RAPH1: variants seen among roughly 807,000 people sequenced by gnomAD.
The protein encoded by RAPH1 is Ras association (RalGDS/AF-6) and pleckstrin homology domains 1, also known as ras-associated and pleckstrin homology domains-containing protein 1.
RAPH1 carries 18 observed loss-of-function variants against 88.1 expected under a neutral mutation model. That is an observed-to-expected ratio of 0.20 (90% confidence interval 0.14 to 0.30). The LOEUF (loss-of-function observed/expected upper bound fraction) is 0.30. RAPH1 is among the 10% of genes least tolerant of loss of function. RAPH1 has a pLI of 1.00. For missense variants in RAPH1, 1,448 were observed against 1,543.2 expected (o/e 0.94, Z 1.03); for synonymous variants, 587 against 559.0 (o/e 1.05, Z -0.71).
chr2:203,440,870 G>T lies in RAPH1; in HGVS notation c.2320C>A (p.Pro774Thr). 1 of 1,491,666 alleles carries T rather than the reference G, an allele frequency of 6.7e-7. No homozygotes were observed. The highest frequency in any genetic ancestry group is 9.1e-7 in the Non-Finnish European group (1 of 1,094,898). 92.4% of individuals were successfully genotyped at this position (1,491,666 alleles called of 1,614,324 possible). A position where few individuals can be genotyped will look rare whatever the true frequency, so the allele number is the denominator to read the frequency against. The change falls in exon 14 of 14, where the codon CCT (proline) becomes ACT (threonine). Residue 774 changes from proline to threonine, a missense_variant. Coordinates refer to ENST00000319170, the MANE Select transcript of RAPH1 (RefSeq NM_213589.3). ...AGGGGTTTTGGGGGAGCTTGGGGAG[G>T]GAGGGGTGCAGGGATAGGAGGAGGT... ...PPPPPIPAPL[P>T]PQAPPKPLVT...
At chr2:203,518,617 G>A (rs562232261) in intron 1 of RAPH1, among the ~76,000 whole-genome samples, 21 of 151,718 alleles carry the variant, frequency 1.4e-4, no homozygotes, top group Admixed American at 3.9e-4. Flanking sequence ...GAGGCCAAGC[G>A]GGAGGATTGC....
chr2:203,455,677 A>G, intron 8 of RAPH1, 97 bp from the exon 9 acceptor site: 1 of 1,200,878 alleles, frequency 8.3e-7, no homozygotes, highest in Middle Eastern at 2.0e-4. Flanking sequence ...TTATTAAACC[A>G]AAATGGTTTT....
chr2:203,456,895 T>C (rs2098520019), intron 8 of RAPH1, among the ~76,000 whole-genome samples: 2 of 152,290 alleles, frequency 1.3e-5, no homozygotes, highest in South Asian at 4.1e-4. Context: ...GCTAATTATA[T>C]TCAAATTTCT....
intron 12 of RAPH1, chr2:203,445,845 A>G (rs553202086): frequency 3.9e-5 from 6 of 152,324 alleles, no homozygotes; most frequent in Non-Finnish European, 5.9e-5. Context: ...TAGTTTTAAG[A>G]TATCTACATA....
At chr2:203,457,637 A>C (rs895432132) in intron 7 of RAPH1, 42 bp from the exon 8 acceptor site, 1 of 1,416,362 alleles carries the variant, frequency 7.1e-7, no homozygotes, top group Non-Finnish European at 1.0e-6. Context: ...GGGAGAGAAA[A>C]AAAGAAGGTT....
In RAPH1 at chr2:203,435,355, A is replaced by ACC. The variant is rs1301591406; in HGVS notation, c.*4080_*4081dup. 3.7e-5 allele frequency: 5 copies of ACC among 133,716 alleles called. No homozygotes were observed. Among genetic ancestry groups the ACC allele is most frequent in the East Asian group, 2.0e-4 (1 of 4,910 alleles). 8.3% of individuals were successfully genotyped at this position (133,716 alleles called of 1,614,324 possible). A position where few individuals can be genotyped will look rare whatever the true frequency, so the allele number is the denominator to read the frequency against. Reference sequence around the variant, plus strand: ...AGACCAGCCTGGGCAACACAGTGAGACCCCCATCTCTACCAAAAAAAAAAA... The same window carrying ACC: ...AGACCAGCCTGGGCAACACAGTGAGACCCCCCCATCTCTACCAAAAAAAAAAA... On this transcript the variant is annotated 3_prime_UTR_variant, in exon 14 of 14. Coordinates refer to ENST00000319170, the MANE Select transcript of RAPH1 (RefSeq NM_213589.3).
At chr2:203,487,593 C>T (rs1688030142) in intron 4 of RAPH1, among the ~76,000 whole-genome samples, 2 of 152,078 alleles carry the variant, frequency 1.3e-5, no homozygotes, top group Admixed American at 6.5e-5. Context: ...CCATGTTGGC[C>T]AGGGTGGTCT....
intron 1 of RAPH1, among the ~76,000 whole-genome samples, chr2:203,520,024 G>A (rs768594277): frequency 1.8e-4 from 28 of 151,986 alleles, no homozygotes; most frequent in Non-Finnish European, 2.5e-4. Flanking sequence ...TAGTTTCCAC[G>A]GATTAAAAAA....
In RAPH1 at chr2:203,439,821, T is replaced by C. The variant is rs1238367869; in HGVS notation, c.3369A>G (p.Thr1123=). The change falls in exon 14 of 14, where the codon ACA becomes ACG. Residue 1123 remains threonine (T), a synonymous_variant. Transcript: ENST00000319170. ...KMSVKKAPPP[T]RPKRNDSTRL... ...GGGTGCTATCATTCCGTTTGGGTCG[T>C]GTGGGTGGAGGGGCCTTCTTCACTG... The C allele has an allele frequency of 6.2e-6, 10 of 1,614,106 alleles. No homozygotes were observed. Among genetic ancestry groups the C allele is most frequent in the Admixed American group, 1.7e-5 (1 of 60,028 alleles).
At chr2:203,457,978 G>A (rs1338423236) in intron 7 of RAPH1, among the ~76,000 whole-genome samples, 1 of 152,170 alleles carries the variant, frequency 6.6e-6, no homozygotes, top group African/African-American at 2.4e-5. Flanking sequence ...AAAATATACT[G>A]ATCTAGGTGC....
At chr2:203,464,538 TG>T (rs1304502839) in intron 4 of RAPH1, among the ~76,000 whole-genome samples, 3 of 152,242 alleles carry the variant, frequency 2.0e-5, no homozygotes, top group African/African-American at 7.2e-5. Flanking sequence ...CCCAAAGTGC[TG>T]GGATTACAGG....
intron 9 of RAPH1, 59 bp from the exon 10 acceptor site, chr2:203,454,599 C>T (rs1482880637): frequency 8.1e-7 from 1 of 1,241,088 alleles, no homozygotes; most frequent in Admixed American, 2.0e-5. Context: ...AGCAAATATA[C>T]CTGGTTAACA....
intron 1 of RAPH1, among the ~76,000 whole-genome samples, chr2:203,526,893 C>T: frequency 6.6e-6 from 1 of 151,648 alleles, no homozygotes; most frequent in African/African-American, 2.4e-5. Context: ...AAGCAATTCT[C>T]CTGCCTCAGC....
intron 1 of RAPH1, among the ~76,000 whole-genome samples, chr2:203,507,136 A>T (rs1207039142): frequency 6.6e-6 from 1 of 151,036 alleles, no homozygotes; most frequent in East Asian, 1.9e-4. Flanking sequence ...ACCTCAGGTG[A>T]TACGCCCACC....
intron 1 of RAPH1, among the ~76,000 whole-genome samples, chr2:203,525,235 G>GT (rs1429047657): frequency 6.6e-6 from 1 of 152,158 alleles, no homozygotes; most frequent in East Asian, 1.9e-4. Context: ...GCCCAGGCTG[G>GT]AGTGCAATGG....
intron 1 of RAPH1, among the ~76,000 whole-genome samples, chr2:203,525,415 A>G (rs1476756595): frequency 6.6e-6 from 1 of 152,048 alleles, no homozygotes; most frequent in Non-Finnish European, 1.5e-5. Context: ...TGCTGACCTC[A>G]GGCAATCCAC....
intron 13 of RAPH1, chr2:203,442,166 G>A: frequency 2.2e-6 from 3 of 1,383,476 alleles, no homozygotes; most frequent in African/African-American, 1.5e-5. Context: ...AAGAAATTAA[G>A]AGGAAGCTCT....
At chr2:203,522,699 C>G (rs540573927) in intron 1 of RAPH1, among the ~76,000 whole-genome samples, 1 of 151,602 alleles carries the variant, frequency 6.6e-6, no homozygotes, top group Middle Eastern at 3.2e-3. Context: ...GTCAGGAGTT[C>G]GAGACCAGCC....
Position 203,490,044 on chromosome 2 carries a change from G to C in RAPH1, c.272C>G (p.Ala91Gly). 2.5e-6 allele frequency: 4 copies of C among 1,613,676 alleles called. No individual in the cohort carries two copies. The highest frequency in any genetic ancestry group is 3.4e-6 in the Non-Finnish European group (4 of 1,179,648). ...GETVDLDALM[A>G]DLCSIEQELS... Reference sequence around the variant, plus strand: ...CTCCTGCTCTATAGAGCAAAGATCAGCCATCAAGGCATCCAGATCCACAGT... The same window carrying C: ...CTCCTGCTCTATAGAGCAAAGATCACCCATCAAGGCATCCAGATCCACAGT... The change falls in exon 4 of 14, where the codon GCT becomes GGT. Residue 91 changes from alanine (A) to glycine (G), a missense_variant. Physicochemically the swap from Ala to Gly is moderately conservative, Grantham distance 60. This residue lies in a region of RAPH1 where 513 missense variants were observed against 653.1 expected (regional missense o/e 0.79). Coordinates refer to ENST00000319170, the MANE Select transcript of RAPH1 (RefSeq NM_213589.3).
Sources: gnomAD v4.1 joint callset for allele counts (sites outside exome capture counted in the v4.1 genomes callset) on GRCh38, gnomAD v4.1.1 for gene constraint, gnomAD v4.1.1 regional missense constraint, MANE v1.5 for transcripts, NCBI Gene and HGNC (gene_info 2026-07-23, HGNC 2026-07-21) for gene names.